ATP6V0E2: variants seen among roughly 807,000 people sequenced by gnomAD.
The protein encoded by ATP6V0E2 is ATPase H+ transporting V0 subunit e2.
ATP6V0E2 carries 4 observed loss-of-function variants against 11.5 expected under a neutral mutation model. The observed-to-expected ratio is 0.35, with a 90% confidence interval of 0.17 to 0.80. The LOEUF (loss-of-function observed/expected upper bound fraction) is 0.80. Ranked by LOEUF, ATP6V0E2 falls within the 30% of genes least tolerant of loss-of-function variation. The probability of loss-of-function intolerance (pLI) is 0.53; values close to 1 mark genes in which losing one functional copy is unlikely to be tolerated. For synonymous variants in ATP6V0E2, 52 were observed against 51.0 expected (o/e 1.02, Z -0.09); for missense variants, 93 against 113.5 (o/e 0.82, Z 0.82).
intron 3 of ATP6V0E2, 142 bp from the exon 4 acceptor site, chr7:149,879,193 C>A: frequency 7.1e-7 from 1 of 1,401,494 alleles, no homozygotes; most frequent in Non-Finnish European, 9.2e-7. Flanking sequence ...AGACCCTAAC[C>A]TGGGCCCTAA....
intron 3 of ATP6V0E2, 143 bp from the exon 4 acceptor site, chr7:149,879,192 C>T: frequency 7.1e-7 from 1 of 1,401,354 alleles, no homozygotes. Flanking sequence ...AAGACCCTAA[C>T]CTGGGCCCTA....
chr7:149,873,722 T>C, upstream of ATP6V0E2: 2 of 695,174 alleles, frequency 2.9e-6, no homozygotes, highest in Non-Finnish European at 4.4e-6. Context: ...GCTCCAGGGG[T>C]CTTTGGAAAT....
intron 2 of ATP6V0E2, among the ~76,000 whole-genome samples, chr7:149,877,840 A>G (rs1180293778): frequency 6.6e-6 from 1 of 152,250 alleles, no homozygotes; most frequent in Admixed American, 6.5e-5. Context: ...CATTCTAAGA[A>G]AATGTTACGC....
chr7:149,879,134 G>A, intron 3 of ATP6V0E2: 1 of 1,398,680 alleles, frequency 7.1e-7, no homozygotes, highest in South Asian at 1.8e-5. Context: ...TGGGAACCAT[G>A]CTCCCAGCAC....
Position 149,879,718 on chromosome 7 carries a change from G to A in ATP6V0E2, c.*403G>A. On this transcript the variant is annotated 3_prime_UTR_variant, in exon 4 of 4. Coordinates refer to ENST00000425642, the MANE Select transcript of ATP6V0E2 (RefSeq NM_145230.4). ...TCATGGAGAGGGTGCTCCGGCCCAGGCGGGGGAGTCAGTGCCCAGTCAGCA... is the reference window on the plus strand; with the variant it reads ...TCATGGAGAGGGTGCTCCGGCCCAGACGGGGGAGTCAGTGCCCAGTCAGCA... 2 of 1,337,136 alleles carry A rather than the reference G, an allele frequency of 1.5e-6. No homozygotes were observed. Among genetic ancestry groups the A allele is most frequent in the South Asian group, 2.1e-5 (1 of 46,814 alleles). 82.8% of individuals were successfully genotyped at this position (1,337,136 alleles called of 1,614,324 possible).
At chr7:149,874,681 A>G (rs1803033499) in intron 1 of ATP6V0E2, 1 of 154,356 alleles carries the variant, frequency 6.5e-6, no homozygotes, top group African/African-American at 2.4e-5. Context: ...TTGCTGCGCC[A>G]TTCACCAGTT....
rs1803352598 is a variant in ATP6V0E2, at chr7:149,879,649, G to T, written c.*334G>T. ...GTGGGGTCTTTCCCTTTACAGACGG[G>T]GCAGATGCCAGGACTCAGCCCATCC... On this transcript the variant is annotated 3_prime_UTR_variant, in exon 4 of 4. Coordinates refer to ENST00000425642, the MANE Select transcript of ATP6V0E2 (RefSeq NM_145230.4). 13 of 1,457,118 alleles carry T rather than the reference G, an allele frequency of 8.9e-6. No homozygotes were observed. Among genetic ancestry groups the T allele is most frequent in the Non-Finnish European group, 1.2e-5 (13 of 1,101,944 alleles). 90.3% of individuals were successfully genotyped at this position (1,457,118 alleles called of 1,614,324 possible).
intron 2 of ATP6V0E2, chr7:149,876,179 C>T (rs999869289): frequency 4.5e-6 from 2 of 442,678 alleles, no homozygotes; most frequent in Non-Finnish European, 9.1e-6. Flanking sequence ...AGTTCGAGAC[C>T]AGTCTGGCCA....
In ATP6V0E2 at chr7:149,874,163, A is replaced by C. The variant is rs1802992742; in HGVS notation, c.98A>C (p.Asn33Thr). The part of the protein sequence containing the change: ...AGPWFVPKGP[N>T]RGVIITMLVA... The stretch of plus-strand genomic sequence containing the variant: ...CCCTGGTTCGTGCCGAAGGGACCCA[A>C]CCGCGGGTAAGGAAAGCGCGCAGGC... The change falls in exon 1 of 4, where the codon AAC becomes ACC. Residue 33 changes from asparagine (N) to threonine (T), a missense_variant. Transcript: ENST00000425642. The C allele has an allele frequency of 6.5e-7, 1 of 1,548,468 alleles. No individual in the cohort carries two copies. Among genetic ancestry groups the C allele is most frequent in the Non-Finnish European group, 8.7e-7 (1 of 1,145,852 alleles).
chr7:149,875,469 G>C (rs1803074031), intron 1 of ATP6V0E2, 129 bp from the exon 2 acceptor site: 4 of 867,606 alleles, frequency 4.6e-6, no homozygotes, highest in South Asian at 1.3e-5. Flanking sequence ...TCAGCCTCCT[G>C]TGTCCAGGAG....
Position 149,874,319 on chromosome 7 carries a change from T to G in ATP6V0E2, c.104+150T>G, listed in dbSNP as rs1347146767. On this transcript the variant is annotated intron_variant, in intron 1 of 3. Transcript: ENST00000425642. Reference sequence around the variant, plus strand: ...CCGGACGCCACCTCTGAGGTCTCTCTGCACCTGGGTCTCTGACAGCCGGGA... The same window carrying G: ...CCGGACGCCACCTCTGAGGTCTCTCGGCACCTGGGTCTCTGACAGCCGGGA... 5 of 1,055,538 alleles carry G rather than the reference T, an allele frequency of 4.7e-6. No homozygotes were observed. In the African/African-American group the frequency reaches 8.2e-5, roughly 17 times the overall value. 65.4% of individuals were successfully genotyped at this position (1,055,538 alleles called of 1,614,324 possible).
chr7:149,879,493 C>T lies in ATP6V0E2; in HGVS notation c.*178C>T, dbSNP rs755684607. 62 of 1,593,434 alleles carry T rather than the reference C, an allele frequency of 3.9e-5. No individual in the cohort carries two copies. In the Middle Eastern group the frequency reaches 6.6e-4, roughly 17 times the overall value. On this transcript the variant is annotated 3_prime_UTR_variant, in exon 4 of 4. Transcript: ENST00000425642. ...CCTGGTTCCTGGAAGTCTTCCCAGT[C>T]TTCCCAGCCAGCCCGGGCCCTGGGG... is the stretch of plus-strand genomic sequence containing the variant.
chr7:149,876,703 C>T (rs923304596), intron 2 of ATP6V0E2, among the ~76,000 whole-genome samples: 1 of 152,218 alleles, frequency 6.6e-6, no homozygotes, highest in African/African-American at 2.4e-5. Flanking sequence ...GGAGGCCTGT[C>T]TCATGGTTAA....
rs761485568 is a variant in ATP6V0E2, at chr7:149,875,629, G to A, written c.136G>A (p.Val46Ile). The A allele has an allele frequency of 8.7e-6, 14 of 1,613,648 alleles. No homozygotes were observed. Among genetic ancestry groups the A allele is most frequent in the Middle Eastern group, 1.6e-4 (1 of 6,084 alleles). The change falls in exon 2 of 4, where the codon GTC becomes ATC. Residue 46 changes from valine to isoleucine, a missense_variant. By Grantham distance (29) the Val-to-Ile change is conservative (BLOSUM62 3). Transcript: ENST00000425642. Reference sequence around the variant, plus strand: ...CATCACCATGCTGGTCGCCACCGCCGTCTGCTGTTACCTCTTGTAAGTACT... The same window carrying A: ...CATCACCATGCTGGTCGCCACCGCCATCTGCTGTTACCTCTTGTAAGTACT... ...VIITMLVATA[V>I]CCYLFWLIAI...
In ATP6V0E2 at chr7:149,879,389, C is replaced by T. The variant is rs77523817; in HGVS notation, c.*74C>T. On this transcript the variant is annotated 3_prime_UTR_variant, in exon 4 of 4. Transcript: ENST00000425642. ...CACTGTCCCTGACAACCCCTTCGTC[C>T]GGACCCTCCCCCACACAACTATGTC... The T allele has an allele frequency of 3.5e-3, 5,519 of 1,594,150 alleles. 153 individuals carry two copies. The African/African-American group carries it at 0.059, about 17-fold the overall frequency.
intron 1 of ATP6V0E2, chr7:149,874,730 C>G (rs1317709942): frequency 6.5e-6 from 1 of 154,124 alleles, no homozygotes; most frequent in East Asian, 1.9e-4. Context: ...GCACCCTTCC[C>G]TTGACTGCAT....
chr7:149,878,636 C>A (rs6947011), intron 2 of ATP6V0E2, 42 bp from the exon 3 acceptor site: 1 of 1,581,846 alleles, frequency 6.3e-7, no homozygotes, highest in Non-Finnish European at 8.6e-7. Context: ...TGTGGGAGGA[C>A]CCTCCTGTGC....
At chr7:149,877,464 A>G (rs1744267326) in intron 2 of ATP6V0E2, among the ~76,000 whole-genome samples, 2 of 152,126 alleles carry the variant, frequency 1.3e-5, no homozygotes, top group Admixed American at 6.5e-5. Flanking sequence ...TTACAGGTAC[A>G]CGCCACTGCA....
chr7:149,874,710 C>T (rs1488011594), intron 1 of ATP6V0E2: 2 of 154,064 alleles, frequency 1.3e-5, no homozygotes, highest in African/African-American at 4.8e-5. Context: ...ATATTATCTT[C>T]AGTTACAAAG....
Sources: allele counts gnomAD v4.1 joint callset (sites outside exome capture counted in the v4.1 genomes callset), GRCh38; gene constraint gnomAD v4.1.1; transcripts MANE v1.5; gene names NCBI Gene and HGNC (gene_info 2026-07-23, HGNC 2026-07-21).